The following ZCWPW1 variants were observed in gnomAD, a reference collection of about 807,000 sequenced individuals.
ZCWPW1 encodes the protein zinc finger CW-type and PWWP domain containing 1, also known as zinc finger CW-type PWWP domain protein 1.
ZCWPW1 carries 56 observed loss-of-function variants against 81.3 expected under a neutral mutation model. The ratio of observed to expected loss-of-function variants is 0.69; its 90% CI spans 0.56 to 0.86. The LOEUF is 0.86. Ranked by LOEUF, ZCWPW1 falls within the 40% of genes least tolerant of loss-of-function variation. The pLI, the probability that ZCWPW1 is intolerant of heterozygous loss-of-function variation, is 0.00. For synonymous variants in ZCWPW1, 250 were observed against 273.7 expected (o/e 0.91, Z 0.86); for missense variants, 650 against 769.8 (o/e 0.84, Z 1.84).
Position 100,407,234 on chromosome 7 carries a change from G to A in ZCWPW1, c.1062C>T (p.Ser354=), listed in dbSNP as rs1793211037. Reference sequence around the variant, plus strand: ...CCTGAACCAGGAAACTCACCGGCAGGGAATCAAGATGGGAAGTAAAAAGAA... The same window carrying A: ...CCTGAACCAGGAAACTCACCGGCAGAGAATCAAGATGGGAAGTAAAAAGAA... ...EYFLFTSHLD[S]LPSKYHVTFF... The change falls in exon 11 of 18, where the codon TCC becomes TCT. Residue 354 remains serine, a synonymous_variant. Coordinates refer to ENST00000684423, the MANE Select transcript of ZCWPW1 (RefSeq NM_001386010.1). 2 of 1,613,780 alleles carry A rather than the reference G, an allele frequency of 1.2e-6. No homozygotes were observed. Among genetic ancestry groups the A allele is most frequent in the Non-Finnish European group, 1.7e-6 (2 of 1,179,904 alleles).
chr7:100,424,070 CAAAA>C (rs201890147), intron 2 of ZCWPW1, among the ~76,000 whole-genome samples: 1 of 53,020 alleles, frequency 1.9e-5, no homozygotes, highest in Admixed American at 1.9e-4. Context: ...AACTCCGTCT[CAAAA>C]AAAAAAAAAA....
chr7:100,409,278 T>C, intron 9 of ZCWPW1, 150 bp downstream of exon 9: 1 of 624,568 alleles, frequency 1.6e-6, no homozygotes, highest in Non-Finnish European at 2.7e-6. Flanking sequence ...TTCATCTCCA[T>C]ATGAGAGGCA....
rs1335169547 is a variant in ZCWPW1 at position 100,403,750 on chromosome 7, AGGATCCT to A, written c.1350_1356del (p.Gly451AlafsTer2). The A allele has an allele frequency of 6.2e-7, 1 of 1,613,968 alleles. No homozygotes were observed. ...TCCTCTTTCTCCTTTTTCTCTAAGC[AGGATCCT>A]GGGCTGTTCAAACCAGAGAGCTGTA... On this transcript the variant is annotated frameshift_variant, in exon 15 of 18. Transcript: ENST00000684423. LOFTEE classifies it high-confidence loss of function.
chr7:100,425,821 T>G (rs1170019469), intron 1 of ZCWPW1, among the ~76,000 whole-genome samples: 1 of 152,222 alleles, frequency 6.6e-6, no homozygotes, highest in Non-Finnish European at 1.5e-5. Flanking sequence ...GGTTAACATA[T>G]TTATTATTGT....
intron 2 of ZCWPW1, among the ~76,000 whole-genome samples, chr7:100,424,667 G>A (rs1052617541): frequency 6.6e-6 from 1 of 151,778 alleles, no homozygotes; most frequent in African/African-American, 2.4e-5. Context: ...TCACCATGTT[G>A]GCCAGGATAG....
At chr7:100,411,001 A>T (rs948295968) in intron 8 of ZCWPW1, among the ~76,000 whole-genome samples, 1 of 152,056 alleles carries the variant, frequency 6.6e-6, no homozygotes. Flanking sequence ...AACCCTCTCC[A>T]CCTTTTCTGA....
chr7:100,414,413 G>A (rs1794786041), intron 8 of ZCWPW1, among the ~76,000 whole-genome samples: 1 of 152,006 alleles, frequency 6.6e-6, no homozygotes, highest in African/African-American at 2.4e-5. Context: ...TTAGATTGTT[G>A]TCTATTTATT....
intron 11 of ZCWPW1, 124 bp from the exon 12 acceptor site, chr7:100,406,922 T>C (rs904752156): frequency 1.0e-4 from 84 of 821,998 alleles, no homozygotes; most frequent in Middle Eastern, 3.3e-4. Context: ...CATACTCCTT[T>C]CAAAGCCTGA....
chr7:100,400,883 C>T lies in ZCWPW1; in HGVS notation c.*131G>A. The stretch of plus-strand genomic sequence containing the variant: ...ACCAGCCAACCCAGTCGACTGTAAC[C>T]TGCTTTATTAACACAGAAACTGCAC... On this transcript the variant is annotated 3_prime_UTR_variant, in exon 18 of 18. Coordinates refer to ENST00000684423, the MANE Select transcript of ZCWPW1 (RefSeq NM_001386010.1). 1 of 1,080,392 alleles carries T rather than the reference C, an allele frequency of 9.3e-7. No homozygotes were observed. Among genetic ancestry groups the T allele is most frequent in the Non-Finnish European group, 1.3e-6 (1 of 782,108 alleles). 66.9% of individuals were successfully genotyped at this position (1,080,392 alleles called of 1,614,324 possible). A position where few individuals can be genotyped will look rare whatever the true frequency, so the allele number is the denominator to read the frequency against.
rs1226936916 is a variant in ZCWPW1, at chr7:100,420,882, G to T, written c.-29-204C>A. Among the ~76,000 whole-genome samples the T allele has an allele frequency of 2.0e-5, 3 of 152,202 alleles. No homozygotes were observed. The East Asian group carries it at 5.8e-4, about 29-fold the overall frequency. The stretch of plus-strand genomic sequence containing the variant: ...GCAACAATCAGTGCTGGGTGTGGTG[G>T]CTCACACCTGTAATCCTGGCACTTT... On this transcript the variant is annotated intron_variant, in intron 2 of 17. Coordinates refer to ENST00000684423, the MANE Select transcript of ZCWPW1 (RefSeq NM_001386010.1).
chr7:100,418,769 TGACA>T (rs1300555889), intron 5 of ZCWPW1: 2 of 151,786 alleles, frequency 1.3e-5, no homozygotes, highest in African/African-American at 4.9e-5. Context: ...CCAGCCTGGG[TGACA>T]GAACAAGATT....
At chr7:100,408,809 A>G in intron 9 of ZCWPW1, 150 bp from the exon 10 acceptor site, 1 of 899,848 alleles carries the variant, frequency 1.1e-6, no homozygotes, top group Admixed American at 3.4e-5. Context: ...GAGGAAGAAT[A>G]AAGACCCATG....
chr7:100,418,076 G>A (rs943305112), intron 5 of ZCWPW1, among the ~76,000 whole-genome samples: 1 of 151,936 alleles, frequency 6.6e-6, no homozygotes, highest in Non-Finnish European at 1.5e-5. Flanking sequence ...GTAGAGACGG[G>A]GTTTCACCAT....
At chr7:100,404,909 G>T in intron 13 of ZCWPW1, 104 bp downstream of exon 13, 1 of 1,117,590 alleles carries the variant, frequency 8.9e-7, no homozygotes, top group Non-Finnish European at 1.3e-6. Flanking sequence ...GAAATATAGA[G>T]GTAGGATGGC....
intron 1 of ZCWPW1, among the ~76,000 whole-genome samples, chr7:100,426,798 C>T (rs1797473502): frequency 9.0e-6 from 1 of 111,586 alleles, no homozygotes; most frequent in Non-Finnish European, 1.9e-5. Flanking sequence ...TCTCCCTCTT[C>T]CCTCCCTCCT....
At chr7:100,426,735 TCCTCCCCCTCCTTCTCTC>T (rs1320536667) in intron 1 of ZCWPW1, among the ~76,000 whole-genome samples, 4 of 119,968 alleles carry the variant, frequency 3.3e-5, no homozygotes, top group Non-Finnish European at 6.9e-5. Context: ...CTCCATCCCT[TCCTCCCCCTCCTTCTCTC>T]CCTCCCCCTC....
chr7:100,420,437 T>C (rs528999887), intron 3 of ZCWPW1, among the ~76,000 whole-genome samples, 185 bp downstream of exon 3: 2 of 152,354 alleles, frequency 1.3e-5, no homozygotes, highest in South Asian at 4.1e-4. Flanking sequence ...CCTGAGTTTA[T>C]ATGTTCCTCG....
Position 100,400,928 on chromosome 7 carries a change from T to C in ZCWPW1, c.*86A>G, listed in dbSNP as rs1200837125. ...CTGCACCACACACATTTGAACCTCA[T>C]AGCCAATGAACAGACCCAGCACTTA... On this transcript the variant is annotated 3_prime_UTR_variant, in exon 18 of 18. Transcript: ENST00000684423. The C allele has an allele frequency of 2.2e-6, 3 of 1,378,396 alleles. No individual in the cohort carries two copies. The highest frequency in any genetic ancestry group is 2.9e-5 in the African/African-American group (2 of 68,640). The allele number at this position is 1,378,396 out of a possible 1,614,324, so 85.4% of individuals were successfully genotyped here. A position where few individuals can be genotyped will look rare whatever the true frequency, so the allele number is the denominator to read the frequency against.
intron 2 of ZCWPW1, 63 bp from the exon 3 acceptor site, chr7:100,420,741 T>C: frequency 6.5e-7 from 1 of 1,530,512 alleles, no homozygotes; most frequent in East Asian, 2.3e-5. Flanking sequence ...ACTTTCTGTC[T>C]ACTTGGGTTC....
Sources: gnomAD v4.1 joint callset for allele counts (sites outside exome capture counted in the v4.1 genomes callset) on GRCh38, gnomAD v4.1.1 for gene constraint, MANE v1.5 for transcripts, NCBI Gene and HGNC (gene_info 2026-07-23, HGNC 2026-07-21) for gene names.